ICE2: variants seen among roughly 807,000 people sequenced by gnomAD.
The protein encoded by ICE2 is little elongation complex subunit 2.
Under a neutral mutation model 105.4 loss-of-function variants are expected in ICE2, and 87 were observed. The ratio of observed to expected loss-of-function variants is 0.83; its 90% CI spans 0.69 to 0.99. The LOEUF is 0.99. Among genes scored for constraint, ICE2 ranks in the 50% least tolerant of loss-of-function variants. ICE2 has a pLI of 0.00. For synonymous variants in ICE2, 399 were observed against 392.0 expected, an observed-to-expected ratio of 1.02 and a Z score of -0.21; for missense variants, 1,323 against 1,146.7, an observed-to-expected ratio of 1.15 and a Z score of -2.22.
Position 60,454,820 on chromosome 15 carries a change from G to A in ICE2, c.943+183C>T, listed in dbSNP as rs185991150. 2.8e-4 allele frequency: 133 copies of A among 476,552 alleles called. 2 individuals are homozygous for A. In the East Asian group the frequency reaches 3.2e-3, roughly 12 times the overall value. The allele number at this position is 476,552 out of a possible 1,614,324, so 29.5% of individuals were successfully genotyped here. On this transcript the variant is annotated intron_variant, in intron 8 of 15. Coordinates refer to ENST00000261520, the MANE Select transcript of ICE2 (RefSeq NM_024611.6). ...GTCATCTAGGTTTTAAGCCCTGCAC[G>A]AATTAGGTATTTGTCCTAATGCTCT... is the stretch of plus-strand genomic sequence containing the variant.
chr15:60,454,976 C>G, intron 8 of ICE2, 27 bp downstream of exon 8: 1 of 1,517,092 alleles, frequency 6.6e-7, no homozygotes, highest in Non-Finnish European at 8.8e-7. Context: ...TTTTTGAGAG[C>G]ATTATTTGAC....
intron 15 of ICE2, among the ~76,000 whole-genome samples, chr15:60,426,574 A>T (rs545588374): frequency 2.1e-4 from 32 of 152,264 alleles, no homozygotes; most frequent in South Asian, 1.2e-3. Context: ...GACATTATTT[A>T]AAAAAAATCA....
Position 60,455,341 on chromosome 15 carries a change from A to G in ICE2, c.768T>C (p.Ala256=), listed in dbSNP as rs151196206. 612 of 1,612,734 alleles carry G rather than the reference A, an allele frequency of 3.8e-4. 4 individuals are homozygous for G. Among genetic ancestry groups the G allele is most frequent in the Middle Eastern group, 2.5e-3 (15 of 6,054 alleles). The part of the protein sequence containing the change: ...IATIETSEQT[A]EAMHYDISKD... ...TGGTACTTACATAATGCATAGCTTC[A>G]GCTGTTTGTTCTGACGTTTCAATGG... Residue 256 remains alanine, a synonymous_variant, in exon 7 of 16, where the codon GCT becomes GCC. Transcript: ENST00000261520.
At chr15:60,478,873 G>T (rs973220529) in intron 1 of ICE2, 130 bp downstream of exon 1, 2 of 437,028 alleles carry the variant, frequency 4.6e-6, no homozygotes, top group Admixed American at 4.8e-5. Context: ...TAGGAGCCGC[G>T]CAGAGCCAGG....
chr15:60,467,364 G>A (rs1387114864), intron 4 of ICE2, among the ~76,000 whole-genome samples: 2 of 152,114 alleles, frequency 1.3e-5, no homozygotes, highest in Non-Finnish European at 2.9e-5. Flanking sequence ...ATACACATAT[G>A]GAAAATGCTT....
chr15:60,479,085 C>G lies in ICE2; in HGVS notation c.-175G>C, dbSNP rs960662228. On this transcript the variant is annotated 5_prime_UTR_variant, in exon 1 of 16. Coordinates refer to ENST00000261520, the MANE Select transcript of ICE2 (RefSeq NM_024611.6). ...CCCACTCCTCACATTGTCGCGCGCG[C>G]CCAAAAAAGACCATATTTAAAGGAT... The G allele has an allele frequency of 2.2e-6, 1 of 448,406 alleles. No homozygotes were observed. Among genetic ancestry groups the G allele is most frequent in the Non-Finnish European group, 4.5e-6 (1 of 221,584 alleles). The allele number at this position is 448,406 out of a possible 1,614,324, so 27.8% of individuals were successfully genotyped here.
intron 13 of ICE2, among the ~76,000 whole-genome samples, chr15:60,434,409 G>C (rs1301585557): frequency 6.6e-6 from 1 of 152,018 alleles, no homozygotes; most frequent in Non-Finnish European, 1.5e-5. Context: ...CCTCCCTTAA[G>C]TAAAAAGGCT....
At chr15:60,432,893 A>AAAAACC (rs765566758) in intron 13 of ICE2, among the ~76,000 whole-genome samples, 306 of 152,166 alleles carry the variant, frequency 2.0e-3, no homozygotes, top group Non-Finnish European at 3.4e-3. Context: ...ATCCGCCTCA[A>AAAAACC]AAAACCAAAA....
intron 12 of ICE2, chr15:60,441,748 T>C (rs1302985754): frequency 1.3e-5 from 2 of 152,212 alleles, no homozygotes; most frequent in African/African-American, 4.8e-5. Context: ...GCAAGTAATC[T>C]ATTATGTGAG....
At chr15:60,473,755 AAT>A (rs2064676251) in intron 3 of ICE2, among the ~76,000 whole-genome samples, 1 of 150,286 alleles carries the variant, frequency 6.7e-6, no homozygotes, top group Non-Finnish European at 1.5e-5. Flanking sequence ...TTGAATAACA[AAT>A]AGTTTTTAAA....
At chr15:60,478,553 C>T (rs2064835929) in intron 1 of ICE2, 2 of 217,134 alleles carry the variant, frequency 9.2e-6, no homozygotes, top group Non-Finnish European at 1.9e-5. Flanking sequence ...AGTGACATTT[C>T]ACAAGATCAC....
Position 60,478,682 on chromosome 15 carries a change from T to C in ICE2, c.-93+321A>G, listed in dbSNP as rs565872572. On this transcript the variant is annotated intron_variant, in intron 1 of 15. Transcript: ENST00000261520. Reference sequence around the variant, plus strand: ...GAACCTAATCAAATTTAGGAGTCGGTCTCTCGACACCGAACGGGCCCGACC... The same window carrying C: ...GAACCTAATCAAATTTAGGAGTCGGCCTCTCGACACCGAACGGGCCCGACC... The C allele has an allele frequency of 3.0e-4, 101 of 333,922 alleles. 1 individual carries two copies. The Middle Eastern group carries it at 4.4e-3, about 15-fold the overall frequency. The allele number at this position is 333,922 out of a possible 1,614,324, so 20.7% of individuals were successfully genotyped here. A position where few individuals can be genotyped will look rare whatever the true frequency, so the allele number is the denominator to read the frequency against.
chr15:60,464,532 C>T (rs527470450), intron 5 of ICE2, among the ~76,000 whole-genome samples: 3 of 152,224 alleles, frequency 2.0e-5, no homozygotes, highest in African/African-American at 7.2e-5. Flanking sequence ...CTACTACACG[C>T]AGAAATCCGG....
rs1210917785 is a variant in ICE2 at position 60,419,697 on chromosome 15, AAAC to A, written c.*3934_*3936del. On this transcript the variant is annotated 3_prime_UTR_variant, in exon 16 of 16. Coordinates refer to ENST00000261520, the MANE Select transcript of ICE2 (RefSeq NM_024611.6). The stretch of plus-strand genomic sequence containing the variant: ...ATCAAATACGTTAAGGTTTGATTAA[AAAC>A]TACTACATACCAAACAAAAAAACAG... 1 of 149,994 alleles carries A rather than the reference AAAC, an allele frequency of 6.7e-6. No homozygotes were observed. The highest frequency in any genetic ancestry group is 2.5e-5 in the African/African-American group (1 of 40,348). 9.3% of individuals were successfully genotyped at this position (149,994 alleles called of 1,614,324 possible).
At chr15:60,464,394 G>A (rs558419758) in intron 5 of ICE2, among the ~76,000 whole-genome samples, 1 of 151,962 alleles carries the variant, frequency 6.6e-6, no homozygotes, top group African/African-American at 2.4e-5. Flanking sequence ...TGAGGGGAAG[G>A]ACAATAAGCA....
chr15:60,453,154 C>T (rs1391358700), intron 9 of ICE2: 3 of 785,908 alleles, frequency 3.8e-6, no homozygotes, highest in African/African-American at 1.9e-5. Flanking sequence ...ATCACTTGAA[C>T]CCGGGAGGCG....
chr15:60,474,036 G>A (rs756255190), intron 3 of ICE2, among the ~76,000 whole-genome samples: 11 of 152,092 alleles, frequency 7.2e-5, no homozygotes, highest in Non-Finnish European at 1.2e-4. Flanking sequence ...AGCCTCCTAA[G>A]TAAGACTATA....
intron 15 of ICE2, 36 bp downstream of exon 15, chr15:60,428,393 A>C: frequency 1.3e-6 from 2 of 1,590,524 alleles, no homozygotes; most frequent in Non-Finnish European, 1.7e-6. Flanking sequence ...AATAATAAAC[A>C]ACCTAATGAA....
chr15:60,471,661 A>T (rs532188301), intron 3 of ICE2, among the ~76,000 whole-genome samples: 2 of 152,328 alleles, frequency 1.3e-5, no homozygotes, highest in Admixed American at 1.3e-4. Context: ...GTGTAAACCA[A>T]AAGCATCTGA....
Sources: gnomAD v4.1 joint callset for allele counts (sites outside exome capture counted in the v4.1 genomes callset) on GRCh38, gnomAD v4.1.1 for gene constraint, MANE v1.5 for transcripts, NCBI Gene and HGNC (gene_info 2026-07-23, HGNC 2026-07-21) for gene names.